Variants in KLHDC10 observed in about 807,000 individuals in gnomAD.
KLHDC10 encodes kelch domain-containing protein 10.
Under a neutral mutation model 56.1 loss-of-function variants are expected in KLHDC10, and 24 were observed. That is an observed-to-expected ratio of 0.43 (90% CI 0.31 to 0.60). KLHDC10 has a LOEUF of 0.60. Ranked by LOEUF, KLHDC10 falls within the 20% of genes least tolerant of loss-of-function variation. The pLI is 0.11. For synonymous variants in KLHDC10, 188 were observed against 207.1 expected (o/e 0.91, Z 0.79); for missense variants, 349 against 567.0 (o/e 0.62, Z 3.91).
chr7:130,086,100 T>C (rs1293177816), intron 1 of KLHDC10, among the ~76,000 whole-genome samples: 1 of 152,200 alleles, frequency 6.6e-6, no homozygotes, highest in Non-Finnish European at 1.5e-5. Flanking sequence ...TTCCCCAAAT[T>C]ATTTTTAAGG....
chr7:130,080,419 G>T (rs1027753456), intron 1 of KLHDC10, among the ~76,000 whole-genome samples: 1 of 151,882 alleles, frequency 6.6e-6, no homozygotes. Flanking sequence ...TTGAGACAGG[G>T]TCTCACACTG....
intron 1 of KLHDC10, among the ~76,000 whole-genome samples, chr7:130,089,312 G>A (rs1563098599): frequency 1.3e-5 from 2 of 152,056 alleles, no homozygotes; most frequent in Non-Finnish European, 2.9e-5. Context: ...AAACAAAAAT[G>A]ACCCAGGTGT....
At chr7:130,090,807 T>C (rs1215770585) in intron 1 of KLHDC10, among the ~76,000 whole-genome samples, 1 of 145,980 alleles carries the variant, frequency 6.9e-6, no homozygotes, top group East Asian at 2.0e-4. Context: ...TCATATTCTG[T>C]ACAATTTTAT....
chr7:130,114,147 T>A (rs1796136994), intron 2 of KLHDC10, among the ~76,000 whole-genome samples: 1 of 152,202 alleles, frequency 6.6e-6, no homozygotes, highest in African/African-American at 2.4e-5. Context: ...AGGTACTAAC[T>A]GTTTTAGGTG....
Position 130,130,492 on chromosome 7 carries a change from A to G in KLHDC10, c.1120-45A>G. 1.3e-6 allele frequency: 2 copies of G among 1,498,684 alleles called. No individual in the cohort carries two copies. The highest frequency in any genetic ancestry group is 1.1e-5 in the South Asian group (1 of 88,754). The allele number at this position is 1,498,684 out of a possible 1,614,324, so 92.8% of individuals were successfully genotyped here. ...TTCCCCACTGAGTCTTCAGCCTTGT[A>G]TGTTTCTCTCCCGTTTGAATTTGTC... is the stretch of plus-strand genomic sequence containing the variant. On this transcript the variant is annotated intron_variant, in intron 9 of 9. Transcript: ENST00000335420. This position sits in a 1 kb window ranked among gnomAD's most constrained non-coding sequence, Gnocchi z 4.2.
rs571393297 is a variant in KLHDC10 at position 130,091,038 on chromosome 7, T to G, written c.167-5883T>G. 6.6e-5 allele frequency among the ~76,000 whole-genome samples: 10 copies of G among 152,188 alleles called. No individual in the cohort carries two copies. In the East Asian group the frequency reaches 1.5e-3, roughly 24 times the overall value. On this transcript the variant is annotated intron_variant, in intron 1 of 9. Coordinates refer to ENST00000335420, the MANE Select transcript of KLHDC10 (RefSeq NM_014997.4). Reference sequence around the variant, plus strand: ...TATTTTTTTTTTCCTATTGGTTGCATGTATCAATAGTTCATGGTTTTACCA... The same window carrying G: ...TATTTTTTTTTTCCTATTGGTTGCAGGTATCAATAGTTCATGGTTTTACCA...
rs945226964 is a variant in KLHDC10, at chr7:130,120,474, G to T, written c.476-275G>T. Among the ~76,000 whole-genome samples, 9 of 152,046 alleles carry T rather than the reference G, an allele frequency of 5.9e-5. No individual in the cohort carries two copies. ...TTTTTGAATATTTGCATTGTACTTA[G>T]CATACCAAATCCAAAACTTTGAAAT... is the stretch of plus-strand genomic sequence containing the variant. On this transcript the variant is annotated intron_variant, in intron 3 of 9. Transcript: ENST00000335420. This position sits in a 1 kb window ranked among gnomAD's most constrained non-coding sequence, Gnocchi z 5.1.
rs1796391261 is a variant in KLHDC10, at chr7:130,130,834, G to A, written c.*88G>A. The A allele has an allele frequency of 7.6e-6, 10 of 1,322,298 alleles. No individual in the cohort carries two copies. The highest frequency in any genetic ancestry group is 1.1e-5 in the Non-Finnish European group (10 of 924,160). The allele number at this position is 1,322,298 out of a possible 1,614,324, so 81.9% of individuals were successfully genotyped here. A position where few individuals can be genotyped will look rare whatever the true frequency, so the allele number is the denominator to read the frequency against. Reference sequence around the variant, plus strand: ...GCAGTGTAGAATGTGCTACAAAGAGGATTGGTTACCCTGATCAAGGCCTTA... The same window carrying A: ...GCAGTGTAGAATGTGCTACAAAGAGAATTGGTTACCCTGATCAAGGCCTTA... On this transcript the variant is annotated 3_prime_UTR_variant, in exon 10 of 10. Coordinates refer to ENST00000335420, the MANE Select transcript of KLHDC10 (RefSeq NM_014997.4). The surrounding 1 kb of genome is among the most constrained non-coding windows in gnomAD (Gnocchi z 4.2).
At chr7:130,106,711 C>T (rs770185917) in intron 2 of KLHDC10, among the ~76,000 whole-genome samples, 1 of 152,174 alleles carries the variant, frequency 6.6e-6, no homozygotes, top group Non-Finnish European at 1.5e-5. Flanking sequence ...CGCACAGTGG[C>T]TCATGCCTGT....
At chr7:130,119,047 T>TA (rs61371997) in intron 3 of KLHDC10, among the ~76,000 whole-genome samples, 60 of 143,852 alleles carry the variant, frequency 4.2e-4, no homozygotes, top group South Asian at 1.8e-3. Flanking sequence ...CCCTGTCTCT[T>TA]AAAAAAAAAA....
At chr7:130,114,904 GA>G (rs1796146672) in intron 2 of KLHDC10, among the ~76,000 whole-genome samples, 1 of 151,970 alleles carries the variant, frequency 6.6e-6, no homozygotes. Context: ...CTGACAGTAG[GA>G]CAAGGTTAGT....
chr7:130,107,899 C>G (rs1796034509), intron 2 of KLHDC10, among the ~76,000 whole-genome samples: 1 of 148,474 alleles, frequency 6.7e-6, no homozygotes, highest in African/African-American at 2.5e-5. Flanking sequence ...ACCGTAGTCC[C>G]AGCTACTCTG....
intron 1 of KLHDC10, among the ~76,000 whole-genome samples, chr7:130,080,877 AT>A (rs1490926996): frequency 3.3e-5 from 5 of 151,816 alleles, no homozygotes; most frequent in Admixed American, 1.3e-4. Context: ...GCAACTACTC[AT>A]TATCATTTCT....
At chr7:130,125,839 TG>T (rs1796308475) in intron 6 of KLHDC10, 25 bp from the exon 7 acceptor site, 5 of 1,529,126 alleles carry the variant, frequency 3.3e-6, no homozygotes, top group East Asian at 2.3e-5. Context: ...TTTATGTATG[TG>T]TATATGTTCT....
chr7:130,093,094 AT>A (rs1795800175), intron 1 of KLHDC10, among the ~76,000 whole-genome samples: 2 of 151,876 alleles, frequency 1.3e-5, no homozygotes, highest in African/African-American at 4.8e-5. Context: ...TACCATCTTA[AT>A]TCAGCCAATG....
At position 130,122,045 on chromosome 7, in the gene KLHDC10, G is replaced by A. The variant is rs773041730; in HGVS notation, c.631-9G>A. ...AAGTCGGTCTTATTCACCTTTCCTT[G>A]TTATCCAGGCTATGGCCATCATCAA... On this transcript the variant is annotated splice_polypyrimidine_tract_variant and intron_variant, in intron 4 of 9. Transcript: ENST00000335420. 7 of 1,608,012 alleles carry A rather than the reference G, an allele frequency of 4.4e-6. No homozygotes were observed. In the Admixed American group the frequency reaches 1.2e-4, roughly 27 times the overall value.
At position 130,070,676 on chromosome 7, in the gene KLHDC10, C is replaced by G; in HGVS notation, c.33C>G (p.Arg11=). The change falls in exon 1 of 10, where the codon CGC becomes CGG. Residue 11 remains arginine (R), a synonymous_variant. Coordinates refer to ENST00000335420, the MANE Select transcript of KLHDC10 (RefSeq NM_014997.4). The stretch of plus-strand genomic sequence containing the variant: ...CCGCCCAGGGCTGGGACAGGAACCG[C>G]CGGAGGGGAGGAGGCGCCGCCGGCG... MSAAQGWDRN[R]RRGGGAAGAG... 1 of 1,307,422 alleles carries G rather than the reference C, an allele frequency of 7.6e-7. No homozygotes were observed. The highest frequency in any genetic ancestry group is 9.8e-7 in the Non-Finnish European group (1 of 1,022,404). The allele number at this position is 1,307,422 out of a possible 1,614,324, so 81.0% of individuals were successfully genotyped here.
At chr7:130,070,873 T>C in intron 1 of KLHDC10, 64 bp downstream of exon 1, 1 of 1,192,022 alleles carries the variant, frequency 8.4e-7, no homozygotes, top group South Asian at 3.5e-5. Flanking sequence ...CTTTTCTTTT[T>C]CTCCCTGGCT....
chr7:130,089,106 C>G (rs1795734720), intron 1 of KLHDC10, among the ~76,000 whole-genome samples: 1 of 151,828 alleles, frequency 6.6e-6, no homozygotes, highest in Non-Finnish European at 1.5e-5. Flanking sequence ...AGAAAAAAAC[C>G]CATGTACAGT....
Sources: gnomAD v4.1 joint callset for allele counts (sites outside exome capture counted in the v4.1 genomes callset) on GRCh38, gnomAD v4.1.1 for gene constraint, Gnocchi (gnomAD v3.1) non-coding constraint, MANE v1.5 for transcripts, NCBI Gene and HGNC (gene_info 2026-07-23, HGNC 2026-07-21) for gene names.